The following AFG3L2 variants were observed in gnomAD, a reference collection of about 807,000 sequenced individuals.
AFG3L2 encodes mitochondrial inner membrane m-AAA protease component AFG3L2.
Under a neutral mutation model 94.5 loss-of-function variants are expected in AFG3L2, and 54 were observed. The observed-to-expected ratio is 0.57, with a 90% CI of 0.46 to 0.72. The LOEUF (loss-of-function observed/expected upper bound fraction) is 0.72, where lower values mean the gene tolerates loss of function less well. AFG3L2 is among the 30% of genes least tolerant of loss of function. The pLI is 0.00. For missense variants in AFG3L2, 754 were observed against 994.9 expected, an observed-to-expected ratio of 0.76 and a Z score of 3.26; for synonymous variants, 377 against 365.5, an observed-to-expected ratio of 1.03 and a Z score of -0.36.
intron 3 of AFG3L2, among the ~76,000 whole-genome samples, chr18:12,368,082 G>A (rs1598838318): frequency 2.0e-5 from 3 of 152,076 alleles, no homozygotes; most frequent in Admixed American, 1.3e-4. Context: ...CAGGAGAATC[G>A]CTTCAACCTG....
At chr18:12,356,583 A>G in intron 9 of AFG3L2, 111 bp downstream of exon 9, 1 of 1,490,182 alleles carries the variant, frequency 6.7e-7, no homozygotes, top group Non-Finnish European at 9.3e-7. Context: ...GGGACTGGTG[A>G]GAGGTCACTC....
chr18:12,369,229 G>A (rs1046387345), intron 3 of AFG3L2, among the ~76,000 whole-genome samples: 1 of 152,016 alleles, frequency 6.6e-6, no homozygotes, highest in Non-Finnish European at 1.5e-5. Flanking sequence ...GCTTGCATGG[G>A]TTATCATTAC....
intron 14 of AFG3L2, 54 bp downstream of exon 14, chr18:12,344,078 G>C (rs1220770087): frequency 1.4e-6 from 2 of 1,449,176 alleles, no homozygotes; most frequent in African/African-American, 2.8e-5. Flanking sequence ...AGTGACTGCA[G>C]CGAGCATCTG....
At chr18:12,357,685 C>T (rs192839581) in intron 8 of AFG3L2, among the ~76,000 whole-genome samples, 96 of 152,242 alleles carry the variant, frequency 6.3e-4, no homozygotes, top group African/African-American at 2.1e-3. Flanking sequence ...GCAACCTCCA[C>T]CTCCCAGGTT....
intron 10 of AFG3L2, 94 bp downstream of exon 10, chr18:12,352,911 C>T: frequency 6.4e-7 from 1 of 1,551,256 alleles, no homozygotes. Context: ...GCCGAAATCA[C>T]ACCACTCACT....
At chr18:12,376,937 T>G in intron 1 of AFG3L2, 32 bp downstream of exon 1, 1 of 1,388,004 alleles carries the variant, frequency 7.2e-7, no homozygotes, top group East Asian at 3.1e-5. Context: ...CGAGGCAGGG[T>G]GGAGGGCGCC....
chr18:12,373,945 C>G (rs1909066390), intron 1 of AFG3L2, among the ~76,000 whole-genome samples: 1 of 152,148 alleles, frequency 6.6e-6, no homozygotes, highest in African/African-American at 2.4e-5. Context: ...CGATGGGGAA[C>G]AAATTTCAAC....
chr18:12,344,314 T>C (rs1044897718), intron 13 of AFG3L2, 67 bp from the exon 14 acceptor site: 59 of 1,243,824 alleles, frequency 4.7e-5, no homozygotes, highest in Admixed American at 3.9e-4. Flanking sequence ...AAGACAGTTA[T>C]ACAGTGCTAT....
chr18:12,348,497 A>C, intron 12 of AFG3L2, 114 bp from the exon 13 acceptor site: 1 of 801,900 alleles, frequency 1.2e-6, no homozygotes, highest in Non-Finnish European at 2.1e-6. Context: ...ACAATGAATA[A>C]AGGTTTTGTG....
At chr18:12,346,368 C>T (rs1049471216) in intron 13 of AFG3L2, among the ~76,000 whole-genome samples, 38 of 152,200 alleles carry the variant, frequency 2.5e-4, no homozygotes, top group African/African-American at 8.9e-4. Context: ...TCCCAAGTCA[C>T]ACACGCATAC....
intron 5 of AFG3L2, among the ~76,000 whole-genome samples, chr18:12,364,766 A>T (rs1168801279): frequency 6.6e-6 from 1 of 152,114 alleles, no homozygotes; most frequent in Admixed American, 6.5e-5. Flanking sequence ...CTCTGGGCAC[A>T]AGAGATCCTC....
At chr18:12,348,132 C>G in intron 13 of AFG3L2, 141 bp downstream of exon 13, 1 of 733,552 alleles carries the variant, frequency 1.4e-6, no homozygotes, top group African/African-American at 1.7e-5. Flanking sequence ...GGCCATGACA[C>G]CAAGAGAGCA....
chr18:12,344,180 G>A lies in AFG3L2; in HGVS notation c.1731C>T (p.Gly577=). Residue 577 remains glycine (G), a synonymous_variant, in exon 14 of 17, where the codon GGC becomes GGT. Coordinates refer to ENST00000269143, the MANE Select transcript of AFG3L2 (RefSeq NM_006796.3). The part of the protein sequence containing the change: ...EKKTVAYHEA[G]HAVAGWYLEH... ...CCAGATACCAGCCGGCAACCGCATG[G>A]CCTGCTTCGTGGTATGCCACAGTCT... 6.2e-7 allele frequency: 1 copy of A among 1,614,048 alleles called. No homozygotes were observed.
chr18:12,344,426 G>C, intron 13 of AFG3L2, 179 bp from the exon 14 acceptor site: 1 of 610,784 alleles, frequency 1.6e-6, no homozygotes, highest in South Asian at 1.7e-5. Context: ...TGTAATCCCA[G>C]CACTTTGGGA....
chr18:12,343,954 A>T (rs1194761055), intron 14 of AFG3L2, 178 bp downstream of exon 14: 3 of 639,088 alleles, frequency 4.7e-6, no homozygotes, highest in Non-Finnish European at 8.3e-6. Context: ...TTTCTGTCCA[A>T]ATTTTATATT....
chr18:12,336,537 T>A (rs887233323), intron 16 of AFG3L2, among the ~76,000 whole-genome samples: 2 of 152,132 alleles, frequency 1.3e-5, no homozygotes, highest in African/African-American at 4.8e-5. Flanking sequence ...TGAGTAATAA[T>A]AAAACTCCAG....
In AFG3L2 at chr18:12,352,885, T is replaced by A; in HGVS notation, c.1318+120A>T. The A allele has an allele frequency of 2.9e-6, 4 of 1,376,458 alleles. No individual in the cohort carries two copies. In the Admixed American group the frequency reaches 5.4e-5, roughly 18 times the overall value. 85.3% of individuals were successfully genotyped at this position (1,376,458 alleles called of 1,614,324 possible). A position where few individuals can be genotyped will look rare whatever the true frequency, so the allele number is the denominator to read the frequency against. ...CAGGAGGATCGCTTGAACCCAGGGG[T>A]CAGAGGATGCAGTGAGCCGAAATCA... On this transcript the variant is annotated intron_variant, in intron 10 of 16. Transcript: ENST00000269143.
intron 6 of AFG3L2, among the ~76,000 whole-genome samples, chr18:12,362,451 C>T (rs1007117658): frequency 2.6e-5 from 4 of 152,160 alleles, no homozygotes; most frequent in Non-Finnish European, 4.4e-5. Flanking sequence ...CAGGCCTGTC[C>T]CTCAAGACTG....
Position 12,377,105 on chromosome 18 carries a change from G to A in AFG3L2, c.-23C>T. 1 of 1,381,448 alleles carries A rather than the reference G, an allele frequency of 7.2e-7. No individual in the cohort carries two copies. The highest frequency in any genetic ancestry group is 9.4e-7 in the Non-Finnish European group (1 of 1,063,282). 85.6% of individuals were successfully genotyped at this position (1,381,448 alleles called of 1,614,324 possible). On this transcript the variant is annotated 5_prime_UTR_variant, in exon 1 of 17. Transcript: ENST00000269143. ...CATGGCCGCCGCCGTGGCCCTCTCGGCCCGGGACGCTGCGCAGGCGCGGGC... is the reference window on the plus strand; with the variant it reads ...CATGGCCGCCGCCGTGGCCCTCTCGACCCGGGACGCTGCGCAGGCGCGGGC...
Sources: allele counts gnomAD v4.1 joint callset (sites outside exome capture counted in the v4.1 genomes callset), GRCh38; gene constraint gnomAD v4.1.1; transcripts MANE v1.5; gene names NCBI Gene and HGNC (gene_info 2026-07-23, HGNC 2026-07-21).